Variants in ST6GALNAC3 observed in about 807,000 individuals in gnomAD.
ST6GALNAC3 encodes the protein ST6 N-acetylgalactosaminide alpha-2,6-sialyltransferase 3.
ST6GALNAC3 carries 25 observed loss-of-function variants against 32.7 expected under a neutral mutation model. The observed-to-expected ratio is 0.76, with a 90% CI of 0.56 to 1.07. ST6GALNAC3 has a LOEUF of 1.07. ST6GALNAC3 is among the 50% of genes least tolerant of loss of function. The probability of loss-of-function intolerance (pLI) is 0.00; values close to 1 mark genes in which losing one functional copy is unlikely to be tolerated. For synonymous variants in ST6GALNAC3, 129 were observed against 133.1 expected, an observed-to-expected ratio of 0.97 and a Z score of 0.21; for missense variants, 355 against 382.4, an observed-to-expected ratio of 0.93 and a Z score of 0.60.
intron 1 of ST6GALNAC3, among the ~76,000 whole-genome samples, chr1:76,312,401 A>G (rs1056313839): frequency 6.6e-5 from 10 of 152,178 alleles, no homozygotes; most frequent in African/African-American, 9.6e-5. Flanking sequence ...AAGCAATGGC[A>G]ACAAAAGCCA....
At chr1:76,590,246 T>C (rs1461039733) in intron 3 of ST6GALNAC3, among the ~76,000 whole-genome samples, 1 of 152,200 alleles carries the variant, frequency 6.6e-6, no homozygotes, top group Non-Finnish European at 1.5e-5. Context: ...TCATCTGCCA[T>C]TACTTTTTAG....
chr1:76,369,239 A>C (rs1419599979), intron 2 of ST6GALNAC3, among the ~76,000 whole-genome samples: 3 of 152,010 alleles, frequency 2.0e-5, no homozygotes, highest in African/African-American at 7.2e-5. Context: ...TGTGTCTCTT[A>C]GGCTCACACT....
At chr1:76,437,319 T>C (rs888733439) in intron 3 of ST6GALNAC3, among the ~76,000 whole-genome samples, 49 of 152,150 alleles carry the variant, frequency 3.2e-4, no homozygotes, top group African/African-American at 1.1e-3. Context: ...TATTTATTCA[T>C]AGCCCTCCTA....
At chr1:76,476,626 G>A (rs932292047) in intron 3 of ST6GALNAC3, among the ~76,000 whole-genome samples, 2 of 152,038 alleles carry the variant, frequency 1.3e-5, no homozygotes, top group African/African-American at 4.8e-5. Context: ...TGAGGACTGG[G>A]GACCATTCAG....
At chr1:76,173,065 A>C (rs1353562960) in intron 1 of ST6GALNAC3, among the ~76,000 whole-genome samples, 3 of 152,226 alleles carry the variant, frequency 2.0e-5, no homozygotes, top group African/African-American at 7.2e-5. Context: ...TGGAGGCATC[A>C]TGCCACCTGA....
chr1:76,269,695 C>A (rs538190590), intron 1 of ST6GALNAC3, among the ~76,000 whole-genome samples: 6 of 152,286 alleles, frequency 3.9e-5, no homozygotes, highest in South Asian at 4.1e-4. Context: ...AGGCCACATG[C>A]CATGTGCTGA....
At chr1:76,483,084 A>G (rs1350688558) in intron 3 of ST6GALNAC3, among the ~76,000 whole-genome samples, 1 of 152,128 alleles carries the variant, frequency 6.6e-6, no homozygotes, top group Non-Finnish European at 1.5e-5. Flanking sequence ...ATATTGTTCC[A>G]TGGTGTATAT....
chr1:76,101,215 A>G (rs1304879845), intron 1 of ST6GALNAC3, among the ~76,000 whole-genome samples: 1 of 152,054 alleles, frequency 6.6e-6, no homozygotes, highest in Non-Finnish European at 1.5e-5. Context: ...TTCTGTCTCT[A>G]TAGTTTTGCC....
At chr1:76,335,234 C>T (rs565637637) in intron 2 of ST6GALNAC3, among the ~76,000 whole-genome samples, 13 of 152,172 alleles carry the variant, frequency 8.5e-5, no homozygotes, top group East Asian at 1.9e-4. Context: ...TCATACCTGG[C>T]GGGTTATTGT....
chr1:76,347,428 G>T (rs1203559025), intron 2 of ST6GALNAC3, among the ~76,000 whole-genome samples: 1 of 151,654 alleles, frequency 6.6e-6, no homozygotes, highest in Non-Finnish European at 1.5e-5. Context: ...TTATTATTTT[G>T]TTGGTTCCTT....
At chr1:76,600,241 G>T (rs1647202288) in intron 3 of ST6GALNAC3, among the ~76,000 whole-genome samples, 1 of 152,074 alleles carries the variant, frequency 6.6e-6, no homozygotes, top group Non-Finnish European at 1.5e-5. Context: ...CTCTCACCAG[G>T]ACTCAACCAT....
chr1:76,565,194 C>G (rs1665482104), intron 3 of ST6GALNAC3, among the ~76,000 whole-genome samples: 1 of 152,160 alleles, frequency 6.6e-6, no homozygotes, highest in Non-Finnish European at 1.5e-5. Context: ...CTGACAACAA[C>G]TGAGGACACA....
intron 1 of ST6GALNAC3, among the ~76,000 whole-genome samples, chr1:76,290,268 C>T (rs182517396): frequency 1.2e-3 from 185 of 152,306 alleles, no homozygotes; most frequent in African/African-American, 4.2e-3. Context: ...AAAAAGTACA[C>T]TATTGCTGTG....
intron 1 of ST6GALNAC3, among the ~76,000 whole-genome samples, chr1:76,137,007 A>C (rs1157410798): frequency 6.6e-6 from 1 of 152,228 alleles, no homozygotes; most frequent in African/African-American, 2.4e-5. Context: ...TCTTTAAATA[A>C]GAAAGCCAAA....
intron 3 of ST6GALNAC3, among the ~76,000 whole-genome samples, chr1:76,613,323 C>T (rs1258084381): frequency 6.6e-6 from 1 of 152,124 alleles, no homozygotes; most frequent in African/African-American, 2.4e-5. Context: ...GGAGCTTCCT[C>T]TTCATTTATT....
At chr1:76,601,761 A>G (rs1024854381) in intron 3 of ST6GALNAC3, among the ~76,000 whole-genome samples, 4 of 152,218 alleles carry the variant, frequency 2.6e-5, no homozygotes, top group African/African-American at 9.6e-5. Flanking sequence ...AGAAGGGGGA[A>G]GAAGCCTTTT....
intron 1 of ST6GALNAC3, among the ~76,000 whole-genome samples, chr1:76,125,981 C>A (rs1219883331): frequency 6.6e-6 from 1 of 152,168 alleles, no homozygotes; most frequent in African/African-American, 2.4e-5. Flanking sequence ...TAGTGTAAAT[C>A]TTCCTGCTGG....
At chr1:76,210,572 A>G (rs1361046832) in intron 1 of ST6GALNAC3, among the ~76,000 whole-genome samples, 2 of 152,178 alleles carry the variant, frequency 1.3e-5, no homozygotes, top group Admixed American at 1.3e-4. Context: ...GCTGGGTGGC[A>G]TAAACAACAG....
chr1:76,124,824 A>C (rs893382081), intron 1 of ST6GALNAC3, among the ~76,000 whole-genome samples: 2 of 152,172 alleles, frequency 1.3e-5, no homozygotes, highest in African/African-American at 4.8e-5. Context: ...TCATTGTCCA[A>C]TATGGTAGCT....
Sources: allele counts gnomAD v4.1 joint callset (sites outside exome capture counted in the v4.1 genomes callset), GRCh38; gene constraint gnomAD v4.1.1; transcripts MANE v1.5; gene names NCBI Gene and HGNC (gene_info 2026-07-23, HGNC 2026-07-21).